Variants in PATJ observed in about 807,000 individuals in gnomAD.
PATJ encodes PATJ crumbs cell polarity complex component.
PATJ carries 190 observed loss-of-function variants against 224.9 expected under a neutral mutation model. The observed-to-expected ratio is 0.84, with a 90% CI of 0.75 to 0.95. The LOEUF (loss-of-function observed/expected upper bound fraction) is 0.95, where lower values mean the gene tolerates loss of function less well. Ranked by LOEUF, PATJ falls within the 40% of genes least tolerant of loss-of-function variation. The pLI is 0.00. For synonymous variants in PATJ, 769 were observed against 820.3 expected (o/e 0.94, Z 1.07); for missense variants, 2,121 against 2,270.3 (o/e 0.93, Z 1.34).
chr1:61,963,568 C>G (rs1212518804), intron 27 of PATJ, among the ~76,000 whole-genome samples: 1 of 152,036 alleles, frequency 6.6e-6, no homozygotes, highest in Non-Finnish European at 1.5e-5. Flanking sequence ...TGCACTCCAG[C>G]CTGGGAGACA....
rs760975631 is a variant in PATJ at position 61,875,333 on chromosome 1, C to G, written c.2926C>G (p.Leu976Val). The G allele has an allele frequency of 6.2e-7, 1 of 1,611,590 alleles. No individual in the cohort carries two copies. Among genetic ancestry groups the G allele is most frequent in the Non-Finnish European group, 8.5e-7 (1 of 1,178,694 alleles). ...QQGRFDDLEN[L>V]NSLAKTSLDL... ...AGGCAGATTTGACGACCTGGAAAAT[C>G]TTAATTCATTAGCAAAAACTAGTCT... Residue 976 changes from leucine to valine, a missense_variant, in exon 21 of 44, where the codon CTT (leucine) becomes GTT (valine). Transcript: ENST00000642238.
At chr1:61,957,327 A>G (rs1053701792) in intron 27 of PATJ, among the ~76,000 whole-genome samples, 2 of 152,220 alleles carry the variant, frequency 1.3e-5, no homozygotes, top group African/African-American at 2.4e-5. Flanking sequence ...ATGATATTAT[A>G]TAAAGAAAGG....
chr1:61,743,647 G>C (rs1409944141), intron 1 of PATJ, among the ~76,000 whole-genome samples: 1 of 152,198 alleles, frequency 6.6e-6, no homozygotes, highest in African/African-American at 2.4e-5. Context: ...GAAAGGAGTG[G>C]AGGCAGGGGC....
intron 14 of PATJ, among the ~76,000 whole-genome samples, chr1:61,819,211 G>A (rs1416063473): frequency 1.3e-5 from 2 of 151,998 alleles, no homozygotes; most frequent in African/African-American, 4.8e-5. Context: ...CCACTAGTGG[G>A]GCTCTGATAT....
chr1:62,124,074 A>C (rs917979545), intron 39 of PATJ, among the ~76,000 whole-genome samples: 3 of 151,064 alleles, frequency 2.0e-5, no homozygotes, highest in Non-Finnish European at 4.4e-5. Flanking sequence ...ATGAAAGTAG[A>C]CTCTTTTTTT....
chr1:62,144,289 T>G (rs1667792056), intron 41 of PATJ, among the ~76,000 whole-genome samples: 1 of 152,116 alleles, frequency 6.6e-6, no homozygotes, highest in African/African-American at 2.4e-5. Context: ...CAGAAGATTC[T>G]GTAACTTGGA....
chr1:61,982,897 C>T (rs1644528209), intron 27 of PATJ, among the ~76,000 whole-genome samples: 2 of 151,790 alleles, frequency 1.3e-5, no homozygotes, highest in Admixed American at 1.3e-4. Flanking sequence ...TGGTTTTTTT[C>T]ATTACTTTTA....
At chr1:61,892,428 G>C (rs1308248635) in intron 22 of PATJ, among the ~76,000 whole-genome samples, 1 of 152,090 alleles carries the variant, frequency 6.6e-6, no homozygotes, top group Non-Finnish European at 1.5e-5. Flanking sequence ...CATTTTATTT[G>C]CAAAGAGTTT....
chr1:62,044,150 A>G (rs909821070), intron 30 of PATJ, among the ~76,000 whole-genome samples: 2 of 152,236 alleles, frequency 1.3e-5, no homozygotes, highest in Admixed American at 6.5e-5. Context: ...AGAGATTTTC[A>G]AGAATACAGT....
At chr1:61,971,372 A>G (rs1224318151) in intron 27 of PATJ, among the ~76,000 whole-genome samples, 1 of 152,196 alleles carries the variant, frequency 6.6e-6, no homozygotes, top group Non-Finnish European at 1.5e-5. Flanking sequence ...GCGTAAGGCC[A>G]GGTGTGGTGG....
rs1664461185 is a variant in PATJ at position 62,116,528 on chromosome 1, A to G, written c.4656-4A>G. 6.2e-7 allele frequency: 1 copy of G among 1,613,756 alleles called. No individual in the cohort carries two copies. The highest frequency in any genetic ancestry group is 1.1e-5 in the South Asian group (1 of 90,984). ...AATACTGCACTGCTGTATGGTATTAACAGAAATGGAAGCGGAGTGTTTATT... is the reference window on the plus strand; with the variant it reads ...AATACTGCACTGCTGTATGGTATTAGCAGAAATGGAAGCGGAGTGTTTATT... On this transcript the variant is annotated splice_region_variant and splice_polypyrimidine_tract_variant and intron_variant, in intron 35 of 43. Coordinates refer to ENST00000642238, the MANE Select transcript of PATJ (RefSeq NM_001350145.3).
At chr1:62,015,450 A>C (rs1646718658) in intron 28 of PATJ, among the ~76,000 whole-genome samples, 1 of 152,180 alleles carries the variant, frequency 6.6e-6, no homozygotes, top group South Asian at 2.1e-4. Context: ...TGAAGTAGGT[A>C]CTTAGATTTC....
intron 17 of PATJ, among the ~76,000 whole-genome samples, chr1:61,851,972 G>A (rs1007027493): frequency 5.9e-5 from 9 of 151,858 alleles, no homozygotes; most frequent in African/African-American, 1.7e-4. Flanking sequence ...CCAGGAGTTC[G>A]AGACCAGCCT....
intron 26 of PATJ, among the ~76,000 whole-genome samples, chr1:61,920,026 A>T (rs1473111491): frequency 6.6e-6 from 1 of 151,962 alleles, no homozygotes; most frequent in Non-Finnish European, 1.5e-5. Context: ...ATACTTACTG[A>T]TTTTTTTTGT....
In PATJ at chr1:61,742,896, C is replaced by T. The variant is rs564692978; in HGVS notation, c.-36+341C>T. 1.3e-3 allele frequency among the ~76,000 whole-genome samples: 194 copies of T among 152,028 alleles called. 1 individual carries two copies. The highest frequency in any genetic ancestry group is 1.9e-3 in the Non-Finnish European group (130 of 67,922). ...CCGAGGCCGCGGGCAGGGAGGGGCG[C>T]CGCCCCGCCTCCCCAGGCCTTTCGG... is the stretch of plus-strand genomic sequence containing the variant. On this transcript the variant is annotated intron_variant, in intron 1 of 43. Coordinates refer to ENST00000642238, the MANE Select transcript of PATJ (RefSeq NM_001350145.3).
chr1:61,850,303 C>T (rs879620096), intron 17 of PATJ, among the ~76,000 whole-genome samples: 7 of 152,188 alleles, frequency 4.6e-5, no homozygotes, highest in Non-Finnish European at 1.0e-4. Flanking sequence ...TTTATAGACA[C>T]ATCAGAAACT....
chr1:61,764,530 A>C (rs1180823610), intron 3 of PATJ, among the ~76,000 whole-genome samples: 1 of 151,976 alleles, frequency 6.6e-6, no homozygotes, highest in African/African-American at 2.4e-5. Context: ...TAAATCACCT[A>C]TTCTGGAAGC....
At chr1:61,790,506 C>CTTT (rs1255469790) in intron 8 of PATJ, among the ~76,000 whole-genome samples, 6 of 105,520 alleles carry the variant, frequency 5.7e-5, no homozygotes, top group South Asian at 7.8e-4. Context: ...TTTTCTTCTT[C>CTTT]TTTTTTTTGT....
intron 29 of PATJ, among the ~76,000 whole-genome samples, chr1:62,024,555 A>G (rs1316850355): frequency 6.6e-6 from 1 of 151,938 alleles, no homozygotes; most frequent in African/African-American, 2.4e-5. Flanking sequence ...GTCATCAGGG[A>G]TGACATGAGC....
Sources: gnomAD v4.1 joint callset for allele counts (sites outside exome capture counted in the v4.1 genomes callset) on GRCh38, gnomAD v4.1.1 for gene constraint, MANE v1.5 for transcripts, NCBI Gene and HGNC (gene_info 2026-07-23, HGNC 2026-07-21) for gene names.